Variants in EML1 observed in about 807,000 individuals in gnomAD.
The protein encoded by EML1 is echinoderm microtubule-associated protein-like 1.
In EML1, 27 loss-of-function variants were observed where a neutral mutation model predicts 110.4. The observed-to-expected ratio is 0.24, with a 90% CI of 0.18 to 0.34. The LOEUF (loss-of-function observed/expected upper bound fraction) is 0.34. EML1 is among the 10% of genes least tolerant of loss of function. The probability of loss-of-function intolerance (pLI) is 1.00; values close to 1 mark genes in which losing one functional copy is unlikely to be tolerated. For missense variants in EML1, 741 were observed against 1,030.9 expected (o/e 0.72, Z 3.85); for synonymous variants, 344 against 385.8 (o/e 0.89, Z 1.27).
intron 1 of EML1, among the ~76,000 whole-genome samples, chr14:99,832,066 A>G (rs1306704481): frequency 6.6e-6 from 1 of 151,946 alleles, no homozygotes; most frequent in Non-Finnish European, 1.5e-5. Flanking sequence ...CCTCCACTCC[A>G]ACTACTGACC....
At chr14:99,865,381 G>C (rs2059078290) in intron 2 of EML1, 133 bp from the exon 3 acceptor site, 3 of 1,079,026 alleles carry the variant, frequency 2.8e-6, no homozygotes, top group African/African-American at 3.2e-5. Context: ...ATGAAGAGTT[G>C]CTCACTCGCT....
Position 99,939,999 on chromosome 14 carries a change from A to T in EML1, c.2335A>T (p.Ile779Phe). ...TCATTCCCTCCAGGCTCCAAGCCAC[A>T]TCTACGGCGGGCACAGCAGCCATGT... is the stretch of plus-strand genomic sequence containing the variant. Reference protein sequence around the residue: ...PCSQFRAPSHIYGGHSSHVTN... With the variant: ...PCSQFRAPSHFYGGHSSHVTN... Residue 779 changes from isoleucine to phenylalanine, a missense_variant, in exon 22 of 22, where the codon ATC becomes TTC. Physicochemically the swap from Ile to Phe is conservative, Grantham distance 21. Around this residue, in one of 4 missense-constraint regions of EML1, gnomAD observed 114 missense variants for 122.5 expected, o/e 0.93. Transcript: ENST00000262233. This position sits in a 1 kb window ranked among gnomAD's most constrained non-coding sequence, Gnocchi z 4.2. 1 of 1,591,056 alleles carries T rather than the reference A, an allele frequency of 6.3e-7. No individual in the cohort carries two copies. The highest frequency in any genetic ancestry group is 8.6e-7 in the Non-Finnish European group (1 of 1,168,858).
intron 1 of EML1, among the ~76,000 whole-genome samples, chr14:99,738,814 G>C (rs1241569392): frequency 6.6e-6 from 1 of 152,184 alleles, no homozygotes; most frequent in Admixed American, 6.5e-5. Flanking sequence ...GGGCATCCCA[G>C]GCAGCCCAGG....
intron 19 of EML1, among the ~76,000 whole-genome samples, chr14:99,937,149 C>T (rs887967197): frequency 8.5e-5 from 13 of 152,200 alleles, no homozygotes; most frequent in African/African-American, 3.1e-4. Flanking sequence ...TTGTTGAGGA[C>T]CAGGACAGGC....
At chr14:99,770,778 G>GTTTTTTTTTTTTTTTT (rs1198007774), upstream of EML1, among the ~76,000 whole-genome samples, 5 of 79,574 alleles carry the variant, frequency 6.3e-5, no homozygotes, top group East Asian at 5.1e-4. Flanking sequence ...AGTTTCCGCT[G>GTTTTTTTTTTTTTTTT]ATTTTTTTTT....
At chr14:99,882,745 C>A (rs1001477388) in intron 4 of EML1, among the ~76,000 whole-genome samples, 1 of 151,364 alleles carries the variant, frequency 6.6e-6, no homozygotes, top group Non-Finnish European at 1.5e-5. Context: ...TCAAAGTCGT[C>A]CTGGGCCGCA....
intron 1 of EML1, among the ~76,000 whole-genome samples, chr14:99,744,677 G>A (rs1227268790): frequency 2.6e-5 from 4 of 152,206 alleles, no homozygotes; most frequent in Admixed American, 1.3e-4. Flanking sequence ...AACGCCAGGG[G>A]CAAGACTTTT....
chr14:99,811,892 C>T (rs1389302845), intron 1 of EML1, among the ~76,000 whole-genome samples: 3 of 151,648 alleles, frequency 2.0e-5, no homozygotes, highest in Non-Finnish European at 4.4e-5. Context: ...ATGTACTATT[C>T]ATAAGTGGCA....
intron 2 of EML1, among the ~76,000 whole-genome samples, chr14:99,855,295 A>T (rs1761375902): frequency 6.6e-6 from 1 of 152,202 alleles, no homozygotes; most frequent in African/African-American, 2.4e-5. Flanking sequence ...ACTTTTAGTT[A>T]GTTTCTAAAT....
chr14:99,939,109 T>A lies in EML1; in HGVS notation c.2192-88T>A. 1 of 1,553,748 alleles carries A rather than the reference T, an allele frequency of 6.4e-7. No homozygotes were observed. The highest frequency in any genetic ancestry group is 8.7e-7 in the Non-Finnish European group (1 of 1,152,428). ...AAGCTGGACTTCAGGCAGTTTCATGTTCAGGACCGTTCAGTGGGCGCTTCC... is the reference window on the plus strand; with the variant it reads ...AAGCTGGACTTCAGGCAGTTTCATGATCAGGACCGTTCAGTGGGCGCTTCC... On this transcript the variant is annotated intron_variant, in intron 20 of 21. Coordinates refer to ENST00000262233, the MANE Select transcript of EML1 (RefSeq NM_004434.3). The surrounding 1 kb of genome is among the most constrained non-coding windows in gnomAD (Gnocchi z 4.2).
At chr14:99,928,981 A>G (rs747829956) in intron 17 of EML1, among the ~76,000 whole-genome samples, 7 of 152,082 alleles carry the variant, frequency 4.6e-5, no homozygotes, top group Non-Finnish European at 7.4e-5. Flanking sequence ...TTTCTCAGTT[A>G]TTTTGAACGT....
intron 17 of EML1, among the ~76,000 whole-genome samples, chr14:99,925,857 G>A (rs1317995952): frequency 2.0e-5 from 3 of 152,090 alleles, no homozygotes; most frequent in Non-Finnish European, 2.9e-5. Flanking sequence ...TCCAATAACC[G>A]TAACCTCAAG....
intron 1 of EML1, among the ~76,000 whole-genome samples, chr14:99,812,286 G>A (rs532620927): frequency 6.6e-6 from 1 of 151,924 alleles, no homozygotes; most frequent in East Asian, 1.9e-4. Context: ...ATCACCAGGC[G>A]CCATGTGGGT....
At chr14:99,899,897 A>G (rs1206986714) in intron 8 of EML1, among the ~76,000 whole-genome samples, 2 of 152,122 alleles carry the variant, frequency 1.3e-5, no homozygotes, top group Non-Finnish European at 2.9e-5. Flanking sequence ...AGAAATCCAG[A>G]GAGGCCTAGT....
At chr14:99,833,897 C>T (rs1415654780) in intron 1 of EML1, among the ~76,000 whole-genome samples, 2 of 152,106 alleles carry the variant, frequency 1.3e-5, no homozygotes, top group South Asian at 4.1e-4. Flanking sequence ...TGTATTCCTT[C>T]GATTTTCTAG....
At chr14:99,858,464 C>T (rs2058944383) in intron 2 of EML1, among the ~76,000 whole-genome samples, 1 of 152,146 alleles carries the variant, frequency 6.6e-6, no homozygotes, top group African/African-American at 2.4e-5. Context: ...GGATTACAGG[C>T]GTGAGCCACC....
intron 20 of EML1, among the ~76,000 whole-genome samples, chr14:99,938,263 T>C (rs1219643264): frequency 6.6e-6 from 1 of 152,270 alleles, no homozygotes. Context: ...ATTATTTATA[T>C]ATTTTTTGTT....
At chr14:99,822,296 T>C (rs80177967) in intron 1 of EML1, among the ~76,000 whole-genome samples, 4,723 of 152,290 alleles carry the variant, frequency 0.031, 95 homozygotes, top group Non-Finnish European at 0.041. Context: ...TACATGTGCA[T>C]GTGGCTGTGT....
At chr14:99,816,230 C>T (rs1401681432) in intron 1 of EML1, among the ~76,000 whole-genome samples, 1 of 152,218 alleles carries the variant, frequency 6.6e-6, no homozygotes, top group Non-Finnish European at 1.5e-5. Context: ...GTGACATGAT[C>T]TTGGCTCACT....
Sources: gnomAD v4.1 joint callset for allele counts (sites outside exome capture counted in the v4.1 genomes callset) on GRCh38, gnomAD v4.1.1 for gene constraint, gnomAD v4.1.1 regional missense constraint, Gnocchi (gnomAD v3.1) non-coding constraint, MANE v1.5 for transcripts, NCBI Gene and HGNC (gene_info 2026-07-23, HGNC 2026-07-21) for gene names.